Variants in SLITRK2 observed in about 807,000 individuals in gnomAD.
The protein encoded by SLITRK2 is SLIT and NTRK-like protein 2.
Under a neutral mutation model 35.4 loss-of-function variants are expected in SLITRK2, and 13 were observed. The ratio of observed to expected loss-of-function variants is 0.37; its 90% confidence interval spans 0.24 to 0.58. The LOEUF is 0.58. SLITRK2 is among the 20% of genes least tolerant of loss of function. The probability of loss-of-function intolerance (pLI) is 0.75; values close to 1 mark genes in which losing one functional copy is unlikely to be tolerated. For missense variants in SLITRK2, 471 were observed against 634.3 expected, an observed-to-expected ratio of 0.74 and a Z score of 2.76; for synonymous variants, 294 against 264.7, an observed-to-expected ratio of 1.11 and a Z score of -1.07.
At position 145,822,729 on chromosome X, in the gene SLITRK2, C is replaced by G. The variant is rs782759973; in HGVS notation, c.304C>G (p.Arg102Gly). The G allele has an allele frequency of 8.3e-7, 1 of 1,210,886 alleles. No homozygotes were observed. The change falls in exon 5 of 5, where the codon CGA (arginine) becomes GGA (glycine). Residue 102 changes from arginine (R) to glycine (G), a missense_variant. Around this residue, in one of 7 missense-constraint regions of SLITRK2, gnomAD observed 98 missense variants for 120.6 expected, o/e 0.81. Transcript: ENST00000335565. Reference protein sequence around the residue: ...HLGNNGLQEIRTGAFSGLKTL... With the variant: ...HLGNNGLQEIGTGAFSGLKTL... Reference sequence around the variant, plus strand: ...AGGTAACAACGGGTTACAGGAGATCCGAACGGGGGCATTCAGTGGCCTGAA... The same window carrying G: ...AGGTAACAACGGGTTACAGGAGATCGGAACGGGGGCATTCAGTGGCCTGAA...
At position 145,824,114 on chromosome X, in the gene SLITRK2, G is replaced by A. The variant is rs2124192976; in HGVS notation, c.1689G>A (p.Lys563=). Residue 563 remains lysine, a synonymous_variant, in exon 5 of 5, where the codon AAG becomes AAA. Transcript: ENST00000335565. ...AGGTGACTTGCGAATCTCCTGCTAAGCATGCAGGGGAGATACTAAAATTTC... is the reference window on the plus strand; with the variant it reads ...AGGTGACTTGCGAATCTCCTGCTAAACATGCAGGGGAGATACTAAAATTTC... ...INEVTCESPA[K]HAGEILKFLG... is the part of the protein sequence containing the mutation. 1 of 1,210,711 alleles carries A rather than the reference G, an allele frequency of 8.3e-7. No individual in the cohort carries two copies. Among genetic ancestry groups the A allele is most frequent in the South Asian group, 1.8e-5 (1 of 56,790 alleles).
rs55859718 is a variant in SLITRK2 at position 145,828,175 on chromosome X, G to A, written c.*3212G>A. Reference sequence around the variant, plus strand: ...TGGTTCTGGACTATGGTCAACCTGTGTGCCTTGTTAGTTCTCTCCAGCAGC... The same window carrying A: ...TGGTTCTGGACTATGGTCAACCTGTATGCCTTGTTAGTTCTCTCCAGCAGC... On this transcript the variant is annotated 3_prime_UTR_variant, in exon 5 of 5. Coordinates refer to ENST00000335565, the MANE Select transcript of SLITRK2 (RefSeq NM_032539.5). 1,395 of 434,369 alleles carry A rather than the reference G, an allele frequency of 3.2e-3. 4 individuals are homozygous for A. Among genetic ancestry groups the A allele is most frequent in the Non-Finnish European group, 3.9e-3 (1,029 of 264,617 alleles). The allele number at this position is 434,369 out of a possible 1,213,427, so 35.8% of individuals were successfully genotyped here.
At position 145,822,900 on chromosome X, in the gene SLITRK2, A is replaced by G; in HGVS notation, c.475A>G (p.Lys159Glu). 8.3e-7 allele frequency: 1 copy of G among 1,211,131 alleles called. No homozygotes were observed. Among genetic ancestry groups the G allele is most frequent in the Non-Finnish European group, 1.1e-6 (1 of 895,329 alleles). Residue 159 changes from lysine (K) to glutamate (E), a missense_variant, in exon 5 of 5, where the codon AAG becomes GAG. Lys to Glu is a moderately conservative substitution (Grantham distance 56). This residue lies in a region of SLITRK2 where 98 missense variants were observed against 120.6 expected (regional missense o/e 0.81). Coordinates refer to ENST00000335565, the MANE Select transcript of SLITRK2 (RefSeq NM_032539.5). ...GGCTGGGGCATTCAGCAAACTTAAC[A>G]AGCTCAAAGTGCTCATCCTGAATGA... ...IEAGAFSKLN[K>E]LKVLILNDNL...
Position 145,821,451 on chromosome X carries a change from G to C in SLITRK2, c.-626G>C, listed in dbSNP as rs1238916117. The C allele has an allele frequency of 3.6e-5, 4 of 110,052 alleles. No homozygotes were observed. Among genetic ancestry groups the C allele is most frequent in the African/African-American group, 9.9e-5 (3 of 30,155 alleles). The allele number at this position is 110,052 out of a possible 1,213,427, so 9.1% of individuals were successfully genotyped here. A position where few individuals can be genotyped will look rare whatever the true frequency, so the allele number is the denominator to read the frequency against. On this transcript the variant is annotated 5_prime_UTR_variant, in exon 3 of 5. Transcript: ENST00000335565. ...CATCTGCCCAACCCTCCCCCACCGC[G>C]CGCCCTGGATCCTCTGCCTGCCCCC...
chrX:145,824,496 C>A lies in SLITRK2; in HGVS notation c.2071C>A (p.Pro691Thr), dbSNP rs782664493. The change falls in exon 5 of 5, where the codon CCT (proline) becomes ACT (threonine). Residue 691 changes from proline (P) to threonine (T), a missense_variant. By Grantham distance (38) the Pro-to-Thr change is conservative. Coordinates refer to ENST00000335565, the MANE Select transcript of SLITRK2 (RefSeq NM_032539.5). ...CCATGTCTACAACTATATCCCCCCA[C>A]CTGTGGGTCAGATGTGCCAAAACCC... is the stretch of plus-strand genomic sequence containing the variant. Reference protein sequence around the residue: ...DGHVYNYIPPPVGQMCQNPIY... With the variant: ...DGHVYNYIPPTVGQMCQNPIY... 8.3e-7 allele frequency: 1 copy of A among 1,211,392 alleles called. No homozygotes were observed. The highest frequency in any genetic ancestry group is 1.1e-6 in the Non-Finnish European group (1 of 895,386).
chrX:145,822,617 CT>C lies in SLITRK2; in HGVS notation c.193del (p.Tyr65IlefsTer10). On this transcript the variant is annotated frameshift_variant, in exon 5 of 5. Transcript: ENST00000335565. LOFTEE classifies it high-confidence loss of function. The stretch of plus-strand genomic sequence containing the variant: ...TGCTCCAGCCCCCCCAGTATCGAAT[CT>C]ATCAGCTTTTTCTCAATGGAAACCT... The part of the protein sequence containing the change: ...SLLQPPQYRI[Y>X]QLFLNGNLLT... 1 of 1,211,651 alleles carries C rather than the reference CT, an allele frequency of 8.3e-7. No homozygotes were observed. Among genetic ancestry groups the C allele is most frequent in the African/African-American group, 1.7e-5 (1 of 57,851 alleles).
In SLITRK2 at chrX:145,825,940, G is replaced by T; in HGVS notation, c.*977G>T. 1 of 118,909 alleles carries T rather than the reference G, an allele frequency of 8.4e-6. No individual in the cohort carries two copies. 9.8% of individuals were successfully genotyped at this position (118,909 alleles called of 1,213,427 possible). On this transcript the variant is annotated 3_prime_UTR_variant, in exon 5 of 5. Coordinates refer to ENST00000335565, the MANE Select transcript of SLITRK2 (RefSeq NM_032539.5). ...ATTATTTTCCTAATTAAAAGAACGT[G>T]ACACAGCTAGTAATATATTTTTCTG...
chrX:145,818,391 GGGCACCGCACCA>G (rs2072926192), intron 1 of SLITRK2: 1 of 112,394 alleles, frequency 8.9e-6, no homozygotes, highest in Non-Finnish European at 1.9e-5. Flanking sequence ...TCCGCATGCC[GGGCACCGCACCA>G]GGCGTCTAGC....
rs1358670366 is a variant in SLITRK2 at position 145,821,402 on chromosome X, A to C, written c.-675A>C. On this transcript the variant is annotated 5_prime_UTR_variant, in exon 3 of 5. Transcript: ENST00000335565. ...GACGCAGCCGGGAATTGAGCTTTGCAAAGCCACTTGCAAGGAAGGGAAGCA... is the reference window on the plus strand; with the variant it reads ...GACGCAGCCGGGAATTGAGCTTTGCCAAGCCACTTGCAAGGAAGGGAAGCA... 4 of 110,293 alleles carry C rather than the reference A, an allele frequency of 3.6e-5. No individual in the cohort carries two copies. The highest frequency in any genetic ancestry group is 7.6e-5 in the Non-Finnish European group (4 of 52,723). The allele number at this position is 110,293 out of a possible 1,213,427, so 9.1% of individuals were successfully genotyped here. A position where few individuals can be genotyped will look rare whatever the true frequency, so the allele number is the denominator to read the frequency against.
rs2073153206 is a variant in SLITRK2, at chrX:145,829,335, A to T, written c.*4372A>T. The T allele has an allele frequency of 8.1e-6, 1 of 123,573 alleles. No homozygotes were observed. Among genetic ancestry groups the T allele is most frequent in the Non-Finnish European group, 1.9e-5 (1 of 53,408 alleles). The allele number at this position is 123,573 out of a possible 1,213,427, so 10.2% of individuals were successfully genotyped here. A position where few individuals can be genotyped will look rare whatever the true frequency, so the allele number is the denominator to read the frequency against. ...TGATTTATCTCTTTTGTATGTTTGG[A>T]TTTTCAATATCGACTTTGCTTAAAA... On this transcript the variant is annotated 3_prime_UTR_variant, in exon 5 of 5. Coordinates refer to ENST00000335565, the MANE Select transcript of SLITRK2 (RefSeq NM_032539.5).
Position 145,822,856 on chromosome X carries a change from A to G in SLITRK2, c.431A>G (p.Asn144Ser). The G allele has an allele frequency of 1.7e-6, 2 of 1,210,534 alleles. No homozygotes were observed. The highest frequency in any genetic ancestry group is 2.2e-6 in the Non-Finnish European group (2 of 894,934). Residue 144 changes from asparagine to serine, a missense_variant, in exon 5 of 5, where the codon AAT (asparagine) becomes AGT (serine). By Grantham distance (46) the Asn-to-Ser change is conservative. Coordinates refer to ENST00000335565, the MANE Select transcript of SLITRK2 (RefSeq NM_032539.5). Reference protein sequence around the residue: ...ESLEYLQADYNYISAIEAGAF... With the variant: ...ESLEYLQADYSYISAIEAGAF... ...CTGGAGTATCTCCAGGCCGACTACA[A>G]TTACATCAGTGCCATCGAGGCTGGG...
Position 145,825,256 on chromosome X carries a change from T to C in SLITRK2, c.*293T>C, listed in dbSNP as rs2073109250. Reference sequence around the variant, plus strand: ...AATGTTTCTACAATGCATTTCTTCATAGATTTTGTTTATGGTTTTGTTTCT... The same window carrying C: ...AATGTTTCTACAATGCATTTCTTCACAGATTTTGTTTATGGTTTTGTTTCT... On this transcript the variant is annotated 3_prime_UTR_variant, in exon 5 of 5. Transcript: ENST00000335565. 3.9e-6 allele frequency: 1 copy of C among 257,858 alleles called. No individual in the cohort carries two copies. Among genetic ancestry groups the C allele is most frequent in the African/African-American group, 3.0e-5 (1 of 33,786 alleles). 21.3% of individuals were successfully genotyped at this position (257,858 alleles called of 1,213,427 possible).
chrX:145,819,983 C>T (rs1431459449), intron 1 of SLITRK2: 2 of 111,790 alleles, frequency 1.8e-5, no homozygotes, highest in East Asian at 2.8e-4. Flanking sequence ...CCGCCCTTCC[C>T]GGAGAGAAAG....
Position 145,827,888 on chromosome X carries a change from C to G in SLITRK2, c.*2925C>G, listed in dbSNP as rs782371717. ...CTTCCACAGCTGGATATTGCTATTT[C>G]ACTTTTATTTCACATGCAGCTTTAA... On this transcript the variant is annotated 3_prime_UTR_variant, in exon 5 of 5. Coordinates refer to ENST00000335565, the MANE Select transcript of SLITRK2 (RefSeq NM_032539.5). 2 of 1,211,031 alleles carry G rather than the reference C, an allele frequency of 1.7e-6. No individual in the cohort carries two copies. The highest frequency in any genetic ancestry group is 2.2e-6 in the Non-Finnish European group (2 of 895,103).
In SLITRK2 at chrX:145,825,849, A is replaced by G. The variant is rs1055036258; in HGVS notation, c.*886A>G. On this transcript the variant is annotated 3_prime_UTR_variant, in exon 5 of 5. Transcript: ENST00000335565. ...TAAAATATATTTAACCCAATATCAG[A>G]GTGAATTGAGCAATTAATGCCCTTC... is the stretch of plus-strand genomic sequence containing the variant. 1 of 122,582 alleles carries G rather than the reference A, an allele frequency of 8.2e-6. No homozygotes were observed. The highest frequency in any genetic ancestry group is 9.6e-5 in the Admixed American group (1 of 10,458). 10.1% of individuals were successfully genotyped at this position (122,582 alleles called of 1,213,427 possible).
At position 145,822,438 on chromosome X, in the gene SLITRK2, G is replaced by A. The variant is rs781982826; in HGVS notation, c.13G>A (p.Val5Ile). 2.5e-6 allele frequency: 3 copies of A among 1,206,889 alleles called. No homozygotes were observed. The highest frequency in any genetic ancestry group is 1.8e-5 in the South Asian group (1 of 55,799). Residue 5 changes from valine to isoleucine, a missense_variant, in exon 5 of 5, where the codon GTT (valine) becomes ATT (isoleucine). Physicochemically the swap from Val to Ile is conservative, Grantham distance 29. Transcript: ENST00000335565. ...AAGGTGCCTAAAGATGCTGAGCGGCGTTTGGTTCCTCAGTGTGTTAACCGT... is the reference window on the plus strand; with the variant it reads ...AAGGTGCCTAAAGATGCTGAGCGGCATTTGGTTCCTCAGTGTGTTAACCGT... MLSG[V>I]WFLSVLTVAG...
chrX:145,826,170 G>C lies in SLITRK2; in HGVS notation c.*1207G>C, dbSNP rs2073125013. On this transcript the variant is annotated 3_prime_UTR_variant, in exon 5 of 5. Coordinates refer to ENST00000335565, the MANE Select transcript of SLITRK2 (RefSeq NM_032539.5). ...CATGGGTGAGATTAAAACTTCCCAA[G>C]TAAGTTCTCTGCAAAATTCAAGGTA... 1 of 111,555 alleles carries C rather than the reference G, an allele frequency of 9.0e-6. No homozygotes were observed. Among genetic ancestry groups the C allele is most frequent in the Admixed American group, 9.5e-5 (1 of 10,518 alleles). The allele number at this position is 111,555 out of a possible 1,213,427, so 9.2% of individuals were successfully genotyped here. A position where few individuals can be genotyped will look rare whatever the true frequency, so the allele number is the denominator to read the frequency against.
intron 1 of SLITRK2, chrX:145,818,536 G>T (rs187601403): frequency 8.9e-6 from 1 of 112,931 alleles, no homozygotes; most frequent in Non-Finnish European, 1.9e-5. Flanking sequence ...GACCCGGCTT[G>T]CGGGCGGCGG....
chrX:145,821,218 C>T (rs1022394564), intron 2 of SLITRK2, 130 bp from the exon 3 acceptor site: 5 of 106,382 alleles, frequency 4.7e-5, no homozygotes, highest in Non-Finnish European at 9.7e-5. Context: ...CCTCCATAGG[C>T]ATTGTGTAGG....
Sources: allele counts gnomAD v4.1 joint callset, GRCh38; gene constraint gnomAD v4.1.1; regional missense constraint gnomAD v4.1.1; transcripts MANE v1.5; gene names NCBI Gene and HGNC (gene_info 2026-07-23, HGNC 2026-07-21).